SPIRE1: variants seen among roughly 807,000 people sequenced by gnomAD.
SPIRE1 encodes spire type actin nucleation factor 1.
A neutral mutation model predicts 94.1 loss-of-function variants in SPIRE1; 40 were observed. The ratio of observed to expected loss-of-function variants is 0.43; its 90% CI spans 0.33 to 0.55. The LOEUF is 0.55. Among genes scored for constraint, SPIRE1 ranks in the 20% least tolerant of loss-of-function variants. The pLI, the probability that SPIRE1 is intolerant of heterozygous loss-of-function variation, is 0.06. For synonymous variants in SPIRE1, 376 were observed against 371.7 expected (o/e 1.01, Z -0.13); for missense variants, 838 against 975.2 (o/e 0.86, Z 1.87).
chr18:12,625,133 T>C (rs771011492), intron 2 of SPIRE1, among the ~76,000 whole-genome samples: 1 of 152,192 alleles, frequency 6.6e-6, no homozygotes, highest in East Asian at 1.9e-4. Flanking sequence ...GTCTGATACA[T>C]GAAATCTAAG....
intron 12 of SPIRE1, 99 bp from the exon 13 acceptor site, chr18:12,454,582 G>A: frequency 8.8e-7 from 1 of 1,131,336 alleles, no homozygotes. Flanking sequence ...TAGCTTCAGA[G>A]AAGAGAACAG....
intron 12 of SPIRE1, among the ~76,000 whole-genome samples, chr18:12,461,640 T>C: frequency 6.7e-6 from 1 of 150,324 alleles, no homozygotes; most frequent in Non-Finnish European, 1.5e-5. Context: ...TGTATATATA[T>C]TTTTAGAGAC....
chr18:12,456,118 A>G (rs1287948359), intron 12 of SPIRE1, among the ~76,000 whole-genome samples: 1 of 152,202 alleles, frequency 6.6e-6, no homozygotes, highest in Non-Finnish European at 1.5e-5. Context: ...GGACAGGGGG[A>G]TGAGTTTACT....
chr18:12,592,939 C>T (rs2036573522), intron 2 of SPIRE1, among the ~76,000 whole-genome samples: 2 of 151,726 alleles, frequency 1.3e-5, no homozygotes, highest in South Asian at 4.2e-4. Flanking sequence ...TCAAACAATT[C>T]TTCCACCTCA....
chr18:12,463,082 T>G (rs1785354), intron 12 of SPIRE1, among the ~76,000 whole-genome samples: 1 of 152,106 alleles, frequency 6.6e-6, no homozygotes, highest in East Asian at 1.9e-4. Context: ...TATTTTTTTT[T>G]GCAGAGACGG....
intron 7 of SPIRE1, among the ~76,000 whole-genome samples, chr18:12,494,621 A>G (rs2033372554): frequency 6.6e-6 from 1 of 151,808 alleles, no homozygotes. Flanking sequence ...CGAGGTCAGG[A>G]AATCAAGATC....
At chr18:12,495,050 A>AAAT (rs2033403405) in intron 7 of SPIRE1, among the ~76,000 whole-genome samples, 1 of 81,780 alleles carries the variant, frequency 1.2e-5, no homozygotes, top group Admixed American at 1.2e-4. Context: ...ACTCTGTCTC[A>AAAT]AAAAAAAAAA....
intron 1 of SPIRE1, among the ~76,000 whole-genome samples, chr18:12,645,494 A>G (rs2038199959): frequency 6.6e-6 from 1 of 152,136 alleles, no homozygotes; most frequent in Admixed American, 6.6e-5. Context: ...AAAGTGGAAG[A>G]GCTATACCAT....
intron 6 of SPIRE1, among the ~76,000 whole-genome samples, chr18:12,501,021 G>A (rs1381379130): frequency 7.4e-6 from 1 of 135,592 alleles, no homozygotes; most frequent in Admixed American, 8.5e-5. Context: ...GCAGCGAGCC[G>A]AGATCACGCC....
At chr18:12,632,616 C>A (rs1351828083) in intron 2 of SPIRE1, among the ~76,000 whole-genome samples, 1 of 152,120 alleles carries the variant, frequency 6.6e-6, no homozygotes, top group Non-Finnish European at 1.5e-5. Context: ...CCACTGTTAG[C>A]CCTAGAAAAT....
At chr18:12,495,226 G>A (rs1384453883) in intron 7 of SPIRE1, among the ~76,000 whole-genome samples, 2 of 152,092 alleles carry the variant, frequency 1.3e-5, no homozygotes, top group Non-Finnish European at 2.9e-5. Flanking sequence ...CTATTGAGCC[G>A]GGTAAAAAAG....
chr18:12,478,884 G>A (rs2032728339), intron 10 of SPIRE1, among the ~76,000 whole-genome samples: 1 of 152,106 alleles, frequency 6.6e-6, no homozygotes, highest in Non-Finnish European at 1.5e-5. Flanking sequence ...GTAGGTGGAT[G>A]ATGAAATCTG....
intron 2 of SPIRE1, among the ~76,000 whole-genome samples, chr18:12,568,819 T>C (rs1014413496): frequency 6.6e-6 from 1 of 152,190 alleles, no homozygotes; most frequent in Admixed American, 6.5e-5. Flanking sequence ...AAGTTAGATA[T>C]GGAACTTATG....
chr18:12,511,480 A>G (rs140006926), intron 5 of SPIRE1, among the ~76,000 whole-genome samples: 315 of 152,298 alleles, frequency 2.1e-3, no homozygotes, highest in African/African-American at 7.2e-3. Context: ...TCCACCCCCA[A>G]TCCTTGACAT....
At chr18:12,581,490 AT>A (rs2036255377) in intron 2 of SPIRE1, among the ~76,000 whole-genome samples, 1 of 152,172 alleles carries the variant, frequency 6.6e-6, no homozygotes, top group Non-Finnish European at 1.5e-5. Context: ...AAGCCACACT[AT>A]TTTTACTCTA....
intron 4 of SPIRE1, among the ~76,000 whole-genome samples, chr18:12,533,932 TACAC>T (rs10658152): frequency 0.29 from 41,665 of 144,310 alleles, 6,607 homozygotes; most frequent in Middle Eastern, 0.44. Flanking sequence ...GCTAATCCAT[TACAC>T]ACACACACAC....
chr18:12,625,565 T>C (rs1209656929), intron 2 of SPIRE1, among the ~76,000 whole-genome samples: 1 of 152,254 alleles, frequency 6.6e-6, no homozygotes, highest in Non-Finnish European at 1.5e-5. Flanking sequence ...CTACAAGATA[T>C]TTTAAGATTT....
intron 12 of SPIRE1, 134 bp downstream of exon 12, chr18:12,463,217 C>T (rs2031941594): frequency 1.1e-6 from 1 of 899,674 alleles, no homozygotes; most frequent in African/African-American, 1.7e-5. Context: ...TTTTCTTTAG[C>T]TATTAAGTAA....
intron 2 of SPIRE1, among the ~76,000 whole-genome samples, chr18:12,552,011 G>C (rs1237310744): frequency 6.6e-6 from 1 of 152,198 alleles, no homozygotes; most frequent in Non-Finnish European, 1.5e-5. Flanking sequence ...ACTTTGCACC[G>C]AATTCAGTGC....
Sources: allele counts gnomAD v4.1 joint callset (sites outside exome capture counted in the v4.1 genomes callset), GRCh38; gene constraint gnomAD v4.1.1; transcripts MANE v1.5; gene names NCBI Gene and HGNC (gene_info 2026-07-23, HGNC 2026-07-21).